The following GLG1 variants were observed in gnomAD, a reference collection of about 807,000 sequenced individuals.
GLG1 encodes Golgi apparatus protein 1.
In GLG1, 38 loss-of-function variants were observed where a neutral mutation model predicts 160.5. The observed-to-expected ratio is 0.24, with a 90% CI of 0.18 to 0.31. GLG1 has a LOEUF of 0.31. Among genes scored for constraint, GLG1 ranks in the 10% least tolerant of loss-of-function variants. The pLI, the probability that GLG1 is intolerant of heterozygous loss-of-function variation, is 1.00. For synonymous variants in GLG1, 644 were observed against 543.4 expected (o/e 1.19, Z -2.57); for missense variants, 1,373 against 1,505.2 (o/e 0.91, Z 1.45).
At chr16:74,479,238 CAAA>C (rs11343790) in intron 11 of GLG1, among the ~76,000 whole-genome samples, 33 of 85,716 alleles carry the variant, frequency 3.8e-4, no homozygotes, top group South Asian at 2.7e-3. Context: ...GGCTTTGTCT[CAAA>C]AAAAAAAAAA....
At chr16:74,592,989 T>C (rs1269629316) in intron 1 of GLG1, among the ~76,000 whole-genome samples, 1 of 152,136 alleles carries the variant, frequency 6.6e-6, no homozygotes, top group Non-Finnish European at 1.5e-5. Context: ...AGTGGGGTTC[T>C]GATAAAAGGA....
chr16:74,518,539 A>G (rs962754637), intron 2 of GLG1, among the ~76,000 whole-genome samples: 2 of 152,222 alleles, frequency 1.3e-5, no homozygotes, highest in African/African-American at 4.8e-5. Context: ...CACCTTATAC[A>G]AAAATAAACT....
intron 1 of GLG1, among the ~76,000 whole-genome samples, chr16:74,544,453 C>T (rs544115904): frequency 6.6e-6 from 1 of 152,268 alleles, no homozygotes; most frequent in East Asian, 1.9e-4. Flanking sequence ...CCTGCACATG[C>T]AGGCGTGGTG....
Position 74,522,888 on chromosome 16 carries a change from T to C in GLG1, c.471+9233A>G, listed in dbSNP as rs117161626. Among the ~76,000 whole-genome samples, 1,175 of 152,310 alleles carry C rather than the reference T, an allele frequency of 7.7e-3. 2 individuals are homozygous for C. Among genetic ancestry groups the C allele is most frequent in the Middle Eastern group, 0.017 (5 of 294 alleles). On this transcript the variant is annotated intron_variant, in intron 2 of 25. Transcript: ENST00000422840. ...TTTGTAGAGACAGAGTTTCACCATG[T>C]TGCTCAGGCTGGTCTCAAACTCTGG...
At chr16:74,510,688 A>G (rs376958960) in intron 2 of GLG1, among the ~76,000 whole-genome samples, 10 of 152,230 alleles carry the variant, frequency 6.6e-5, no homozygotes, top group African/African-American at 1.9e-4. Flanking sequence ...GGCTATTAGA[A>G]GAAACAAGCA....
At chr16:74,592,738 T>C (rs2143869915) in intron 1 of GLG1, among the ~76,000 whole-genome samples, 1 of 152,290 alleles carries the variant, frequency 6.6e-6, no homozygotes, top group Admixed American at 6.5e-5. Flanking sequence ...CCACAATGCT[T>C]TTCCTCTCAT....
Position 74,462,100 on chromosome 16 carries a change from T to C in GLG1, c.3030A>G (p.Ser1010=). The C allele has an allele frequency of 6.4e-7, 1 of 1,570,094 alleles. No individual in the cohort carries two copies. Among genetic ancestry groups the C allele is most frequent in the African/African-American group, 1.3e-5 (1 of 74,152 alleles). ...RLDPQLQLHC[S]DEISSLCAEE... ...TTTTGCACGCAAATCCCACCTCGTCTGAGCAGTGCAGCTGGAGCTGAGGAT... is the reference window on the plus strand; with the variant it reads ...TTTTGCACGCAAATCCCACCTCGTCCGAGCAGTGCAGCTGGAGCTGAGGAT... The change falls in exon 22 of 26, where the codon TCA becomes TCG. Residue 1010 remains serine, a synonymous_variant. Transcript: ENST00000422840.
chr16:74,465,872 T>A (rs2014981860), intron 18 of GLG1, 59 bp from the exon 19 acceptor site: 2 of 1,473,854 alleles, frequency 1.4e-6, no homozygotes, highest in South Asian at 1.1e-5. Flanking sequence ...ATCCATGTGT[T>A]CTGATTGAAA....
chr16:74,531,993 T>C lies in GLG1; in HGVS notation c.471+128A>G, dbSNP rs532166221. The C allele has an allele frequency of 2.5e-5, 11 of 436,642 alleles. No homozygotes were observed. The South Asian group carries it at 2.8e-4, about 11-fold the overall frequency. 27.0% of individuals were successfully genotyped at this position (436,642 alleles called of 1,614,324 possible). On this transcript the variant is annotated intron_variant, in intron 2 of 25. Transcript: ENST00000422840. The stretch of plus-strand genomic sequence containing the variant: ...TTGATTTTACCAGCATCCTTAAAGT[T>C]TGTCATCCTTTTAAGATTAAGACTG...
intron 9 of GLG1, among the ~76,000 whole-genome samples, chr16:74,485,096 G>A (rs1016035231): frequency 6.6e-6 from 1 of 152,268 alleles, no homozygotes; most frequent in African/African-American, 2.4e-5. Flanking sequence ...AAACTTTTAT[G>A]TTGCCTTGCT....
At chr16:74,605,515 G>C (rs1958545841) in intron 1 of GLG1, among the ~76,000 whole-genome samples, 1 of 152,176 alleles carries the variant, frequency 6.6e-6, no homozygotes, top group Non-Finnish European at 1.5e-5. Flanking sequence ...TATCCCTCTA[G>C]TCGTTAAGCT....
At chr16:74,569,886 A>G (rs942930677) in intron 1 of GLG1, among the ~76,000 whole-genome samples, 3 of 151,690 alleles carry the variant, frequency 2.0e-5, no homozygotes, top group Admixed American at 6.6e-5. Flanking sequence ...AAAAAAAAAA[A>G]AAAGCAACGG....
At chr16:74,551,468 C>T in intron 1 of GLG1, among the ~76,000 whole-genome samples, 1 of 37,794 alleles carries the variant, frequency 2.6e-5, no homozygotes. Context: ...CCATGTCTGG[C>T]TATTTTTTTT....
intron 6 of GLG1, 21 bp downstream of exon 6, chr16:74,494,739 T>G (rs1259627276): frequency 9.5e-7 from 1 of 1,057,688 alleles, no homozygotes; most frequent in African/African-American, 1.5e-5. Context: ...AAACATTCAT[T>G]AGTTTCAAAA....
chr16:74,515,564 T>C (rs1435215101), intron 2 of GLG1, among the ~76,000 whole-genome samples: 1 of 151,740 alleles, frequency 6.6e-6, no homozygotes, highest in African/African-American at 2.4e-5. Flanking sequence ...AATAACGAAA[T>C]GAAGGCAGGG....
intron 22 of GLG1, 37 bp from the exon 23 acceptor site, chr16:74,459,826 G>T: frequency 9.8e-7 from 1 of 1,023,666 alleles, no homozygotes; most frequent in Non-Finnish European, 1.5e-6. Context: ...CTACCCCACT[G>T]AGCACAGAAA....
At chr16:74,489,907 T>C (rs1249985105) in intron 8 of GLG1, among the ~76,000 whole-genome samples, 1 of 152,232 alleles carries the variant, frequency 6.6e-6, no homozygotes, top group East Asian at 1.9e-4. Flanking sequence ...CGCAAAGTTT[T>C]GTTTCAGACT....
intron 1 of GLG1, among the ~76,000 whole-genome samples, chr16:74,574,907 A>AAAAAAAAG (rs2018946637): frequency 7.8e-6 from 1 of 128,280 alleles, no homozygotes; most frequent in African/African-American, 3.0e-5. Flanking sequence ...AAAAAAAAAA[A>AAAAAAAAG]AAAAAAGACA....
chr16:74,596,036 T>C (rs903375441), intron 1 of GLG1, among the ~76,000 whole-genome samples: 7 of 152,048 alleles, frequency 4.6e-5, no homozygotes, highest in African/African-American at 1.7e-4. Context: ...GGCAGGAGAA[T>C]TGCTCGAACC....
Sources: gnomAD v4.1 joint callset for allele counts (sites outside exome capture counted in the v4.1 genomes callset) on GRCh38, gnomAD v4.1.1 for gene constraint, MANE v1.5 for transcripts, NCBI Gene and HGNC (gene_info 2026-07-23, HGNC 2026-07-21) for gene names.